Variants in TRRAP observed in about 807,000 individuals in gnomAD.
The protein encoded by TRRAP is transformation/transcription domain-associated protein.
Under a neutral mutation model 438.8 loss-of-function variants are expected in TRRAP, and 41 were observed. The ratio of observed to expected loss-of-function variants is 0.09; its 90% CI spans 0.07 to 0.12. The LOEUF (loss-of-function observed/expected upper bound fraction) is 0.12. Ranked by LOEUF, TRRAP falls within the 10% of genes least tolerant of loss-of-function variation. The pLI is 1.00. For synonymous variants in TRRAP, 1,994 were observed against 1,962.9 expected (o/e 1.02, Z -0.42); for missense variants, 3,122 against 5,055.1 (o/e 0.62, Z 11.60).
intron 3 of TRRAP, 125 bp from the exon 4 acceptor site, chr7:98,890,210 C>T: frequency 2.2e-6 from 1 of 456,868 alleles, no homozygotes; most frequent in Non-Finnish European, 3.7e-6. Context: ...CTAAATAATA[C>T]AAGTAGCACA....
At position 98,962,298 on chromosome 7, in the gene TRRAP, G is replaced by A; in HGVS notation, c.6704-4G>A. 6.2e-7 allele frequency: 1 copy of A among 1,614,174 alleles called. No individual in the cohort carries two copies. The highest frequency in any genetic ancestry group is 8.5e-7 in the Non-Finnish European group (1 of 1,180,014). On this transcript the variant is annotated splice_region_variant and splice_polypyrimidine_tract_variant and intron_variant, in intron 46 of 72. Transcript: ENST00000456197. ...ACAGTGCCTGGGTCCCTGCCCTGTT[G>A]TAGGTACTTCCAGTGTGGCCTCCAA...
intron 3 of TRRAP, among the ~76,000 whole-genome samples, chr7:98,886,647 C>T (rs1349337584): frequency 6.6e-6 from 1 of 152,032 alleles, no homozygotes; most frequent in Non-Finnish European, 1.5e-5. Flanking sequence ...GAATTAAATA[C>T]TAGAATGACC....
chr7:98,917,523 G>A lies in TRRAP; in HGVS notation c.2466G>A (p.Pro822=), dbSNP rs547271870. ...TVPVRLSSLL[P]YLPMLMDPLV... is the part of the protein sequence containing the mutation. ...CTGTGCGGCTGAGCTCGCTTTTGCC[G>A]TACCTGCCCATGCTTATGGATCCCT... Residue 822 remains proline (P), a synonymous_variant, in exon 20 of 73, where the codon CCG becomes CCA. Transcript: ENST00000456197. 1.3e-5 allele frequency: 21 copies of A among 1,614,052 alleles called. No individual in the cohort carries two copies. The highest frequency in any genetic ancestry group is 1.5e-5 in the Non-Finnish European group (18 of 1,180,052).
intron 70 of TRRAP, 109 bp downstream of exon 70, chr7:99,008,670 C>A: frequency 1.7e-6 from 2 of 1,187,784 alleles, no homozygotes; most frequent in African/African-American, 1.5e-5. Context: ...TTGTTGGGGG[C>A]CACCTCTGTC....
intron 30 of TRRAP, among the ~76,000 whole-genome samples, chr7:98,941,389 T>C (rs940356083): frequency 1.3e-5 from 2 of 152,184 alleles, no homozygotes; most frequent in African/African-American, 4.8e-5. Flanking sequence ...TTGGCCTGGC[T>C]GATCTAAAAC....
chr7:98,929,667 A>G (rs1288703987), intron 23 of TRRAP, among the ~76,000 whole-genome samples: 1 of 150,816 alleles, frequency 6.6e-6, no homozygotes, highest in Non-Finnish European at 1.5e-5. Context: ...CAGTGGTGTG[A>G]TCTGCAACCT....
intron 1 of TRRAP, among the ~76,000 whole-genome samples, chr7:98,880,281 C>T (rs1232641357): frequency 8.6e-5 from 3 of 35,070 alleles, no homozygotes; most frequent in East Asian, 1.1e-3. Context: ...TTTTTTTTTC[C>T]GAGACTGAAC....
At position 98,977,084 on chromosome 7, in the gene TRRAP, T is replaced by C; in HGVS notation, c.8385+8T>C. ...CACGGGTTCTTTGAGCAGGTAAACC[T>C]CAGACCACTGACGGTCTTGGGTGTG... is the stretch of plus-strand genomic sequence containing the variant. On this transcript the variant is annotated splice_region_variant and intron_variant, in intron 56 of 72. Transcript: ENST00000456197. 6.2e-7 allele frequency: 1 copy of C among 1,614,180 alleles called. No homozygotes were observed. The highest frequency in any genetic ancestry group is 8.5e-7 in the Non-Finnish European group (1 of 1,180,040).
At chr7:98,990,707 G>T in intron 64 of TRRAP, 88 bp downstream of exon 64, 1 of 1,433,820 alleles carries the variant, frequency 7.0e-7, no homozygotes, top group Non-Finnish European at 9.4e-7. Flanking sequence ...GTAAATTTGA[G>T]TGTTCAAAGT....
At chr7:98,946,744 C>T (rs1339900890) in intron 33 of TRRAP, among the ~76,000 whole-genome samples, 1 of 152,260 alleles carries the variant, frequency 6.6e-6, no homozygotes, top group Non-Finnish European at 1.5e-5. Flanking sequence ...ACACCCCGAG[C>T]TTTCCCTCTT....
chr7:98,960,763 G>A (rs950516856), intron 45 of TRRAP, among the ~76,000 whole-genome samples: 1 of 144,546 alleles, frequency 6.9e-6, no homozygotes, highest in African/African-American at 2.5e-5. Flanking sequence ...GGCTTTTTGT[G>A]TGTGTGTGTG....
rs782500053 is a variant in TRRAP at position 98,912,162 on chromosome 7, G to T, written c.2148G>T (p.Leu716=). The change falls in exon 18 of 73, where the codon CTG becomes CTT. Residue 716 remains leucine (L), a synonymous_variant. Transcript: ENST00000456197. ...ACCTGTACCTCAAGCTGTTCAAGCT[G>T]GTCTTTGGCTCTGTCTCCCTCTTTG... ...LSNLYLKLFK[L]VFGSVSLFAA... 3.0e-5 allele frequency: 48 copies of T among 1,613,854 alleles called. No individual in the cohort carries two copies. The highest frequency in any genetic ancestry group is 3.8e-5 in the Non-Finnish European group (45 of 1,179,946).
chr7:99,008,313 G>A (rs1390051713), intron 69 of TRRAP, 64 bp from the exon 70 acceptor site: 3 of 1,533,434 alleles, frequency 2.0e-6, no homozygotes, highest in Non-Finnish European at 2.7e-6. Context: ...CACTCTGACG[G>A]TGGAGCTGAG....
chr7:98,892,430 C>A lies in TRRAP; in HGVS notation c.268C>A (p.Arg90=), dbSNP rs1554405069. Residue 90 remains arginine (R), a synonymous_variant, in exon 5 of 73, where the codon CGG becomes AGG. Transcript: ENST00000456197. ...FLQEKPAQQL[R]KLVLEIIHRI... is the part of the protein sequence containing the mutation. ...ATTTATTTTTTCTTGCCAGCAACTG[C>A]GGAAGCTCGTACTTGAAATAATTCA... The A allele has an allele frequency of 6.2e-7, 1 of 1,609,600 alleles. No homozygotes were observed. The highest frequency in any genetic ancestry group is 1.3e-5 in the African/African-American group (1 of 74,706).
chr7:98,925,621 C>G (rs1790014728), intron 22 of TRRAP, among the ~76,000 whole-genome samples: 1 of 152,240 alleles, frequency 6.6e-6, no homozygotes, highest in South Asian at 2.1e-4. Flanking sequence ...TCTGCATTTT[C>G]ATTTCACAGT....
At chr7:98,954,817 C>T (rs113703566) in intron 40 of TRRAP, among the ~76,000 whole-genome samples, 46 of 152,306 alleles carry the variant, frequency 3.0e-4, no homozygotes, top group Admixed American at 3.9e-4. Flanking sequence ...GCTGGTTAGG[C>T]GGGACATGGG....
At chr7:98,967,246 A>G (rs1231923819) in intron 50 of TRRAP, 84 bp downstream of exon 50, 13 of 1,511,772 alleles carry the variant, frequency 8.6e-6, no homozygotes, top group African/African-American at 4.2e-5. Context: ...CATGATTTTA[A>G]TCTTTTACTC....
chr7:98,919,748 T>C (rs1164971029), intron 20 of TRRAP, among the ~76,000 whole-genome samples: 5 of 152,286 alleles, frequency 3.3e-5, no homozygotes, highest in South Asian at 4.1e-4. Context: ...CATGAGCAGC[T>C]TGTGGGAGAG....
At chr7:98,944,788 A>G (rs373030219) in intron 31 of TRRAP, among the ~76,000 whole-genome samples, 1 of 152,206 alleles carries the variant, frequency 6.6e-6, no homozygotes, top group Non-Finnish European at 1.5e-5. Context: ...GACTAAAGAA[A>G]TAAGTCAAAG....
Sources: gnomAD v4.1 joint callset for allele counts (sites outside exome capture counted in the v4.1 genomes callset) on GRCh38, gnomAD v4.1.1 for gene constraint, MANE v1.5 for transcripts, NCBI Gene and HGNC (gene_info 2026-07-23, HGNC 2026-07-21) for gene names.